KCTD16: variants seen among roughly 807,000 people sequenced by gnomAD.
The protein encoded by KCTD16 is potassium channel tetramerization domain containing 16, also known as BTB/POZ domain-containing protein KCTD16.
In KCTD16, 13 loss-of-function variants were observed where a neutral mutation model predicts 33.2. The ratio of observed to expected loss-of-function variants is 0.39; its 90% CI spans 0.25 to 0.62. The LOEUF (loss-of-function observed/expected upper bound fraction) is 0.62. Ranked by LOEUF, KCTD16 falls within the 20% of genes least tolerant of loss-of-function variation. KCTD16 has a pLI of 0.50. For synonymous variants in KCTD16, 197 were observed against 195.3 expected, an observed-to-expected ratio of 1.01 and a Z score of -0.07; for missense variants, 441 against 525.1, an observed-to-expected ratio of 0.84 and a Z score of 1.57.
chr5:144,328,680 C>G (rs1752273951), intron 3 of KCTD16, among the ~76,000 whole-genome samples: 1 of 151,960 alleles, frequency 6.6e-6, no homozygotes, highest in African/African-American at 2.4e-5. Flanking sequence ...CATCAAGGCC[C>G]TCTATCACAG....
intron 2 of KCTD16, among the ~76,000 whole-genome samples, chr5:144,190,922 C>G (rs1752827753): frequency 6.6e-6 from 1 of 152,158 alleles, no homozygotes. Flanking sequence ...AATGGGCACT[C>G]ACAGACACAC....
intron 3 of KCTD16, among the ~76,000 whole-genome samples, chr5:144,289,606 C>A (rs770635705): frequency 6.6e-6 from 1 of 152,168 alleles, no homozygotes; most frequent in Non-Finnish European, 1.5e-5. Flanking sequence ...AGCCACCTAG[C>A]CTTCCTGAGC....
intron 3 of KCTD16, among the ~76,000 whole-genome samples, chr5:144,213,086 A>G (rs1463334553): frequency 2.6e-5 from 4 of 152,140 alleles, no homozygotes; most frequent in Non-Finnish European, 5.9e-5. Context: ...ATTATAACAT[A>G]CAAAATTAAT....
chr5:144,175,643 A>C (rs1319268997), intron 2 of KCTD16, among the ~76,000 whole-genome samples: 1 of 152,232 alleles, frequency 6.6e-6, no homozygotes, highest in African/African-American at 2.4e-5. Flanking sequence ...GCCAGACTGC[A>C]TGGATTTACA....
At chr5:144,283,562 A>G (rs1241154775) in intron 3 of KCTD16, among the ~76,000 whole-genome samples, 3 of 152,198 alleles carry the variant, frequency 2.0e-5, no homozygotes, top group South Asian at 2.1e-4. Flanking sequence ...TATATTATGT[A>G]CTACTTTAAA....
chr5:144,391,887 A>G (rs1355898185), intron 3 of KCTD16, among the ~76,000 whole-genome samples: 1 of 152,190 alleles, frequency 6.6e-6, no homozygotes, highest in Non-Finnish European at 1.5e-5. Flanking sequence ...ATTGTGTTGA[A>G]TTTACTTATC....
intron 3 of KCTD16, among the ~76,000 whole-genome samples, chr5:144,284,430 C>G (rs960433218): frequency 3.3e-5 from 5 of 152,136 alleles, no homozygotes; most frequent in Admixed American, 1.3e-4. Flanking sequence ...GGCTTAGAAG[C>G]CTATTTTATG....
At chr5:144,273,872 C>G (rs1755371661) in intron 3 of KCTD16, among the ~76,000 whole-genome samples, 3 of 151,642 alleles carry the variant, frequency 2.0e-5, no homozygotes, top group Admixed American at 2.0e-4. Context: ...GACGGTTGCA[C>G]AACATTATGA....
At chr5:144,368,124 T>G (rs1329119713) in intron 3 of KCTD16, among the ~76,000 whole-genome samples, 2 of 151,900 alleles carry the variant, frequency 1.3e-5, no homozygotes, top group Non-Finnish European at 2.9e-5. Flanking sequence ...TGAACAATAA[T>G]TAAGCGAGAG....
chr5:144,418,077 G>A (rs976610642), intron 3 of KCTD16, among the ~76,000 whole-genome samples: 1 of 152,110 alleles, frequency 6.6e-6, no homozygotes, highest in African/African-American at 2.4e-5. Context: ...AGCTCTTAAA[G>A]GTGGTGTCTG....
intron 3 of KCTD16, among the ~76,000 whole-genome samples, chr5:144,281,139 G>A (rs528724949): frequency 3.9e-5 from 6 of 152,318 alleles, no homozygotes; most frequent in East Asian, 3.9e-4. Flanking sequence ...CCCAGATCGC[G>A]CCACTGTACT....
chr5:144,435,221 G>C (rs1753549263), intron 3 of KCTD16, among the ~76,000 whole-genome samples: 1 of 152,184 alleles, frequency 6.6e-6, no homozygotes, highest in African/African-American at 2.4e-5. Context: ...TATGACCTTA[G>C]CTAGGGCGTT....
chr5:144,313,268 G>A (rs1234100301), intron 3 of KCTD16, among the ~76,000 whole-genome samples: 4 of 152,126 alleles, frequency 2.6e-5, no homozygotes, highest in Non-Finnish European at 5.9e-5. Flanking sequence ...GCATTAATGG[G>A]TCAGATTCAT....
intron 3 of KCTD16, among the ~76,000 whole-genome samples, chr5:144,275,299 T>G (rs1160106457): frequency 6.6e-6 from 1 of 152,154 alleles, no homozygotes; most frequent in East Asian, 1.9e-4. Flanking sequence ...CTCCTTTTTT[T>G]TTGCACTTAA....
intron 3 of KCTD16, among the ~76,000 whole-genome samples, chr5:144,430,812 GGTCTCTCA>G (rs1350477772): frequency 6.6e-6 from 1 of 151,620 alleles, no homozygotes; most frequent in African/African-American, 2.4e-5. Context: ...CCAAACAGAA[GGTCTCTCA>G]ATTTTCACTG....
intron 3 of KCTD16, among the ~76,000 whole-genome samples, chr5:144,278,699 T>G (rs1364731667): frequency 6.6e-6 from 1 of 151,528 alleles, no homozygotes; most frequent in African/African-American, 2.4e-5. Flanking sequence ...GGGTTTCACC[T>G]TGTTAGCCAG....
At chr5:144,277,311 A>T (rs1755466205) in intron 3 of KCTD16, among the ~76,000 whole-genome samples, 1 of 152,218 alleles carries the variant, frequency 6.6e-6, no homozygotes, top group East Asian at 1.9e-4. Context: ...GACGATGATG[A>T]TGATGGTGAT....
rs3996310 is a variant in KCTD16, at chr5:144,361,906, T to TTGTGTGTGTGTG, written c.833-111723_833-111712dup. 7.6e-5 allele frequency among the ~76,000 whole-genome samples: 11 copies of TTGTGTGTGTGTG among 143,992 alleles called. No homozygotes were observed. In the East Asian group the frequency reaches 1.8e-3, roughly 24 times the overall value. The allele number at this position is 143,992 out of a possible 152,430, so 94.5% of individuals were successfully genotyped here. ...TTGTTGTTATGAGGCTGGTGTTATT[T>TTGTGTGTGTGTG]TGTGTGTGTGTGTGTGTGTGTGTGT... is the stretch of plus-strand genomic sequence containing the variant. On this transcript the variant is annotated intron_variant, in intron 3 of 3. Transcript: ENST00000512467.
intron 3 of KCTD16, among the ~76,000 whole-genome samples, chr5:144,268,029 T>C (rs1176326284): frequency 2.0e-5 from 3 of 152,122 alleles, no homozygotes; most frequent in Non-Finnish European, 1.5e-5. Context: ...ATTTTGAAAC[T>C]CTGGAGTGTA....
Sources: gnomAD v4.1 joint callset for allele counts (sites outside exome capture counted in the v4.1 genomes callset) on GRCh38, gnomAD v4.1.1 for gene constraint, MANE v1.5 for transcripts, NCBI Gene and HGNC (gene_info 2026-07-23, HGNC 2026-07-21) for gene names.